The following NRG3 variants were observed in gnomAD, a reference collection of about 807,000 sequenced individuals.
The protein encoded by NRG3 is pro-neuregulin-3, membrane-bound isoform.
Under a neutral mutation model 66.9 loss-of-function variants are expected in NRG3, and 31 were observed. The observed-to-expected ratio is 0.46, with a 90% CI of 0.35 to 0.63. The LOEUF (loss-of-function observed/expected upper bound fraction) is 0.63. Among genes scored for constraint, NRG3 ranks in the 20% least tolerant of loss-of-function variants. The pLI, the probability that NRG3 is intolerant of heterozygous loss-of-function variation, is 0.00. For missense variants in NRG3, 910 were observed against 878.9 expected (o/e 1.04, Z -0.45); for synonymous variants, 393 against 359.4 (o/e 1.09, Z -1.06).
chr10:81,954,306 C>T lies in NRG3; in HGVS notation c.823+78143C>T, dbSNP rs528625729. On this transcript the variant is annotated intron_variant, in intron 1 of 8. Transcript: ENST00000372141. ...TTTATCACTTTGAGCCTTTTGAATA[C>T]TGGCAGTCATGACACTTATGAAAAT... is the stretch of plus-strand genomic sequence containing the variant. Among the ~76,000 whole-genome samples the T allele has an allele frequency of 3.3e-5, 5 of 152,216 alleles. No homozygotes were observed. The East Asian group carries it at 5.8e-4, about 18-fold the overall frequency.
At chr10:82,032,831 A>C (rs1366482187) in intron 1 of NRG3, among the ~76,000 whole-genome samples, 3 of 152,194 alleles carry the variant, frequency 2.0e-5, no homozygotes, top group Admixed American at 2.0e-4. Context: ...TCCAAGGCCT[A>C]AGTAGTTTCC....
At chr10:82,405,846 G>A (rs958703723) in intron 2 of NRG3, among the ~76,000 whole-genome samples, 6 of 152,148 alleles carry the variant, frequency 3.9e-5, no homozygotes, top group Non-Finnish European at 7.3e-5. Context: ...AGATTGGCAA[G>A]TTAACTTACA....
intron 1 of NRG3, among the ~76,000 whole-genome samples, chr10:82,251,444 C>T (rs1355457147): frequency 6.6e-6 from 1 of 152,130 alleles, no homozygotes; most frequent in Non-Finnish European, 1.5e-5. Context: ...TCATGCAGCT[C>T]TGACTCCACA....
At chr10:81,878,617 T>C (rs1841898709) in intron 1 of NRG3, among the ~76,000 whole-genome samples, 1 of 152,216 alleles carries the variant, frequency 6.6e-6, no homozygotes, top group Non-Finnish European at 1.5e-5. Context: ...GTCTTGATTA[T>C]GCCCGTAAAG....
intron 1 of NRG3, among the ~76,000 whole-genome samples, chr10:81,983,625 A>G (rs192387214): frequency 1.4e-3 from 208 of 152,332 alleles, no homozygotes; most frequent in African/African-American, 4.2e-3. Context: ...ACTAAGTGCT[A>G]TTAATGTAGC....
intron 3 of NRG3, among the ~76,000 whole-genome samples, chr10:82,798,841 T>C (rs1467124199): frequency 6.6e-6 from 1 of 152,204 alleles, no homozygotes; most frequent in Non-Finnish European, 1.5e-5. Context: ...AACTTGATTT[T>C]TACTCACATT....
intron 2 of NRG3, among the ~76,000 whole-genome samples, chr10:82,676,762 C>T (rs540709129): frequency 4.3e-4 from 66 of 152,094 alleles, no homozygotes; most frequent in African/African-American, 1.4e-3. Flanking sequence ...GATTACAGGC[C>T]GGAGCCATGG....
chr10:82,228,594 A>G (rs2076286783), intron 1 of NRG3, among the ~76,000 whole-genome samples: 1 of 152,156 alleles, frequency 6.6e-6, no homozygotes, highest in Non-Finnish European at 1.5e-5. Flanking sequence ...TGGTGTAAGG[A>G]CAAATTAATT....
rs1234197132 is a variant in NRG3, at chr10:82,856,845, A to G, written c.1028-8566A>G. Among the ~76,000 whole-genome samples, 3 of 152,092 alleles carry G rather than the reference A, an allele frequency of 2.0e-5. No homozygotes were observed. In the East Asian group the frequency reaches 5.8e-4, roughly 29 times the overall value. On this transcript the variant is annotated intron_variant, in intron 3 of 8. Transcript: ENST00000372141. ...AATTTTAGAAAGTTGATAAAACATG[A>G]GAAGATCCTGGGAGACACATGTGAA... is the stretch of plus-strand genomic sequence containing the variant.
intron 8 of NRG3, among the ~76,000 whole-genome samples, chr10:82,981,615 C>T (rs1852910195): frequency 6.6e-6 from 1 of 152,190 alleles, no homozygotes; most frequent in African/African-American, 2.4e-5. Flanking sequence ...GACAGTTAGG[C>T]TTCCAACGTA....
At chr10:82,589,270 T>A (rs540352612) in intron 2 of NRG3, among the ~76,000 whole-genome samples, 57 of 152,324 alleles carry the variant, frequency 3.7e-4, no homozygotes, top group Middle Eastern at 6.8e-3. Flanking sequence ...AGACAGAACC[T>A]CTTTCTTTGG....
chr10:82,749,250 T>G (rs1197345538), intron 3 of NRG3, among the ~76,000 whole-genome samples: 1 of 151,904 alleles, frequency 6.6e-6, no homozygotes, highest in African/African-American at 2.4e-5. Flanking sequence ...AATTTGCTGT[T>G]TTGAGACCTC....
intron 2 of NRG3, among the ~76,000 whole-genome samples, chr10:82,406,771 G>A (rs2087551750): frequency 6.6e-6 from 1 of 152,078 alleles, no homozygotes; most frequent in South Asian, 2.1e-4. Flanking sequence ...CATGAGCTTG[G>A]GAGCTTGTTG....
chr10:81,880,858 A>C (rs941390329), intron 1 of NRG3, among the ~76,000 whole-genome samples: 3 of 152,184 alleles, frequency 2.0e-5, no homozygotes, highest in Admixed American at 6.5e-5. Context: ...GTGTTGGGTA[A>C]GGACAGAGCT....
At chr10:82,548,521 T>TCACACACA (rs762454289) in intron 2 of NRG3, among the ~76,000 whole-genome samples, 1 of 108,398 alleles carries the variant, frequency 9.2e-6, no homozygotes, top group Non-Finnish European at 1.8e-5. Context: ...ACATTCTGTC[T>TCACACACA]CTCACACACA....
intron 3 of NRG3, among the ~76,000 whole-genome samples, chr10:82,856,756 CAAAAAAAA>C (rs67224862): frequency 9.3e-6 from 1 of 107,478 alleles, no homozygotes; most frequent in East Asian, 3.1e-4. Context: ...AAAAAAAAAA[CAAAAAAAA>C]AAAAAAAAAG....
intron 2 of NRG3, among the ~76,000 whole-genome samples, chr10:82,668,170 T>C (rs1246864153): frequency 1.3e-5 from 2 of 152,154 alleles, no homozygotes; most frequent in African/African-American, 4.8e-5. Context: ...TTGCCTTTAC[T>C]TTTATTTTCA....
chr10:82,620,326 G>C (rs2048958409), intron 2 of NRG3, among the ~76,000 whole-genome samples: 1 of 152,182 alleles, frequency 6.6e-6, no homozygotes, highest in African/African-American at 2.4e-5. Context: ...CGTCCAAGAA[G>C]AATGAGGTTG....
intron 2 of NRG3, among the ~76,000 whole-genome samples, chr10:82,414,700 T>G (rs1283273125): frequency 1.3e-5 from 2 of 152,120 alleles, no homozygotes; most frequent in Non-Finnish European, 2.9e-5. Context: ...TCAATCAGGG[T>G]TCCCCCAAGA....
Sources: allele counts gnomAD v4.1 joint callset (sites outside exome capture counted in the v4.1 genomes callset), GRCh38; gene constraint gnomAD v4.1.1; transcripts MANE v1.5; gene names NCBI Gene and HGNC (gene_info 2026-07-23, HGNC 2026-07-21).